GNAT3: variants seen among roughly 807,000 people sequenced by gnomAD.
The protein encoded by GNAT3 is G protein subunit alpha transducin 3.
Under a neutral mutation model 37.7 loss-of-function variants are expected in GNAT3, and 31 were observed. The ratio of observed to expected loss-of-function variants is 0.82; its 90% CI spans 0.62 to 1.11. The LOEUF (loss-of-function observed/expected upper bound fraction) is 1.11, where lower values mean the gene tolerates loss of function less well. Among genes scored for constraint, GNAT3 ranks in the 50% most tolerant of loss-of-function variants. GNAT3 has a pLI of 0.00. For synonymous variants in GNAT3, 138 were observed against 139.8 expected (o/e 0.99, Z 0.09); for missense variants, 437 against 412.5 (o/e 1.06, Z -0.51).
At chr7:80,480,672 G>A (rs1790378430) in intron 3 of GNAT3, among the ~76,000 whole-genome samples, 1 of 152,120 alleles carries the variant, frequency 6.6e-6, no homozygotes, top group South Asian at 2.1e-4. Context: ...CCTTGTTAGA[G>A]CATATAGGGT....
At chr7:80,497,642 A>ACGTATACGTATATG (rs1790754972) in intron 1 of GNAT3, among the ~76,000 whole-genome samples, 1 of 102,754 alleles carries the variant, frequency 9.7e-6, no homozygotes, top group Non-Finnish European at 2.0e-5. Flanking sequence ...ATACGTATAT[A>ACGTATACGTATATG]CATATACGTA....
intron 5 of GNAT3, among the ~76,000 whole-genome samples, chr7:80,469,188 CAT>C (rs1480651997): frequency 6.6e-6 from 1 of 152,084 alleles, no homozygotes; most frequent in Non-Finnish European, 1.5e-5. Flanking sequence ...TCTTTTATAT[CAT>C]AGATCTGCTC....
intron 4 of GNAT3, among the ~76,000 whole-genome samples, chr7:80,475,338 G>T (rs1790285316): frequency 6.9e-6 from 1 of 145,750 alleles, no homozygotes; most frequent in African/African-American, 2.5e-5. Context: ...CCTAACTCTT[G>T]AAACGAGATA....
In GNAT3 at chr7:80,483,898, A is replaced by G. The variant is rs79699330; in HGVS notation, c.303+4637T>C. ...TTATTTCCCTATGAGGTATTTGGAA[A>G]AGCTTGGGAATTACAGTGGGCCTGG... On this transcript the variant is annotated intron_variant, in intron 3 of 7. Coordinates refer to ENST00000398291, the MANE Select transcript of GNAT3 (RefSeq NM_001102386.3). 2.8e-3 allele frequency among the ~76,000 whole-genome samples: 421 copies of G among 152,220 alleles called. 1 individual carries two copies. Among genetic ancestry groups the G allele is most frequent in the African/African-American group, 9.6e-3 (397 of 41,562 alleles).
At chr7:80,475,720 T>A (rs1790291844) in intron 4 of GNAT3, among the ~76,000 whole-genome samples, 1 of 152,146 alleles carries the variant, frequency 6.6e-6, no homozygotes, top group Non-Finnish European at 1.5e-5. Flanking sequence ...GTTAAAAAAA[T>A]TCATTATTAA....
intron 1 of GNAT3, among the ~76,000 whole-genome samples, chr7:80,495,748 G>A (rs1274104572): frequency 1.3e-5 from 2 of 151,998 alleles, no homozygotes; most frequent in Non-Finnish European, 2.9e-5. Flanking sequence ...TTACAGGTGT[G>A]AGCCACTGCA....
intron 5 of GNAT3, among the ~76,000 whole-genome samples, chr7:80,465,810 A>G (rs1003099811): frequency 6.6e-6 from 1 of 152,250 alleles, no homozygotes; most frequent in African/African-American, 2.4e-5. Flanking sequence ...TAATGAAGAT[A>G]ATCACCTAAT....
chr7:80,470,411 G>A (rs57789760), intron 5 of GNAT3, among the ~76,000 whole-genome samples: 42,539 of 151,858 alleles, frequency 0.28, 6,847 homozygotes, highest in East Asian at 0.59. Flanking sequence ...TAGTAGAGAC[G>A]GGGTTTCACC....
chr7:80,510,609 G>A (rs1250817742), intron 1 of GNAT3, among the ~76,000 whole-genome samples: 1 of 152,024 alleles, frequency 6.6e-6, no homozygotes, highest in Non-Finnish European at 1.5e-5. Context: ...GGTGTCATTA[G>A]TACTTAACCC....
rs114255816 is a variant in GNAT3, at chr7:80,488,801, A to T, written c.162-125T>A. On this transcript the variant is annotated intron_variant, in intron 2 of 7. Coordinates refer to ENST00000398291, the MANE Select transcript of GNAT3 (RefSeq NM_001102386.3). ...CATTAAAAAGGAATTTTGACCATAC[A>T]TATATGCTAACTCTAAACAATTTTA... 1,877 of 599,584 alleles carry T rather than the reference A, an allele frequency of 3.1e-3. 18 individuals are homozygous for T. The highest frequency in any genetic ancestry group is 0.031 in the African/African-American group (1,681 of 54,664). 37.1% of individuals were successfully genotyped at this position (599,584 alleles called of 1,614,324 possible).
chr7:80,505,663 G>T (rs1406301980), intron 1 of GNAT3, among the ~76,000 whole-genome samples: 1 of 152,178 alleles, frequency 6.6e-6, no homozygotes, highest in African/African-American at 2.4e-5. Context: ...ACTGCGCCTG[G>T]CAGAGAGCGA....
chr7:80,467,575 T>C (rs1790146271), intron 5 of GNAT3, among the ~76,000 whole-genome samples: 1 of 152,128 alleles, frequency 6.6e-6, no homozygotes. Flanking sequence ...TTTAATTTAG[T>C]CCTTATTTTA....
chr7:80,481,791 C>T (rs566221830), intron 3 of GNAT3, among the ~76,000 whole-genome samples: 1 of 152,196 alleles, frequency 6.6e-6, no homozygotes, highest in African/African-American at 2.4e-5. Context: ...ATAATAAGAA[C>T]CTTGGTCTCC....
chr7:80,458,740 G>A lies in GNAT3; in HGVS notation c.996C>T (p.Val332=), dbSNP rs1413023257. 6.3e-7 allele frequency: 1 copy of A among 1,599,452 alleles called. No individual in the cohort carries two copies. The highest frequency in any genetic ancestry group is 2.2e-5 in the East Asian group (1 of 44,504). The change falls in exon 8 of 8, where the codon GTC becomes GTT. Residue 332 remains valine (V), a synonymous_variant. Transcript: ENST00000398291. ...CTGTAACTGCGTCAAACACAAACTTGACATTTTGGGTGTCAGTAGCACAGG... is the reference window on the plus strand; with the variant it reads ...CTGTAACTGCGTCAAACACAAACTTAACATTTTGGGTGTCAGTAGCACAGG... ...HMTCATDTQN[V]KFVFDAVTDI...
At chr7:80,486,207 G>GA (rs1368972308) in intron 3 of GNAT3, among the ~76,000 whole-genome samples, 1 of 152,098 alleles carries the variant, frequency 6.6e-6, no homozygotes, top group African/African-American at 2.4e-5. Context: ...ATCAAAATAT[G>GA]AACTATGTCG....
At chr7:80,498,131 CTG>C (rs1180778681) in intron 1 of GNAT3, among the ~76,000 whole-genome samples, 1 of 152,034 alleles carries the variant, frequency 6.6e-6, no homozygotes, top group African/African-American at 2.4e-5. Context: ...GACTTTTAGA[CTG>C]TGTCAGTTAA....
rs373946083 is a variant in GNAT3 at position 80,505,520 on chromosome 7, A to T, written c.118+6289T>A. 3.3e-5 allele frequency among the ~76,000 whole-genome samples: 5 copies of T among 152,024 alleles called. No homozygotes were observed. The South Asian group carries it at 6.3e-4, about 19-fold the overall frequency. ...TAGCTGGGACTACAGGCGCCCGCCA[A>T]CACGCCCGGCTAACTTTTTATATTT... On this transcript the variant is annotated intron_variant, in intron 1 of 7. Transcript: ENST00000398291.
intron 2 of GNAT3, among the ~76,000 whole-genome samples, chr7:80,494,251 A>T (rs1790671191): frequency 6.6e-6 from 1 of 152,188 alleles, no homozygotes; most frequent in African/African-American, 2.4e-5. Context: ...GGTTAAAAAT[A>T]CTGTTTCCTC....
At chr7:80,464,515 T>G (rs949770763) in intron 5 of GNAT3, among the ~76,000 whole-genome samples, 1 of 152,090 alleles carries the variant, frequency 6.6e-6, no homozygotes, top group Non-Finnish European at 1.5e-5. Flanking sequence ...GATTTTTAGA[T>G]AGGGAATTGA....
Sources: allele counts gnomAD v4.1 joint callset (sites outside exome capture counted in the v4.1 genomes callset), GRCh38; gene constraint gnomAD v4.1.1; transcripts MANE v1.5; gene names NCBI Gene and HGNC (gene_info 2026-07-23, HGNC 2026-07-21).